GRK5: variants seen among roughly 807,000 people sequenced by gnomAD.
GRK5 encodes g protein-coupled receptor kinase GRK5.
Under a neutral mutation model 78.4 loss-of-function variants are expected in GRK5, and 40 were observed. The observed-to-expected ratio is 0.51, with a 90% confidence interval of 0.40 to 0.66. The LOEUF (loss-of-function observed/expected upper bound fraction) is 0.66, where lower values mean the gene tolerates loss of function less well. Ranked by LOEUF, GRK5 falls within the 30% of genes least tolerant of loss-of-function variation. The probability of loss-of-function intolerance (pLI) is 0.00; values close to 1 mark genes in which losing one functional copy is unlikely to be tolerated. For missense variants in GRK5, 598 were observed against 759.9 expected, an observed-to-expected ratio of 0.79 and a Z score of 2.50; for synonymous variants, 289 against 296.8, an observed-to-expected ratio of 0.97 and a Z score of 0.27.
At position 119,264,064 on chromosome 10, in the gene GRK5, G is replaced by T. The variant is rs1477300882; in HGVS notation, c.52+56095G>T. Among the ~76,000 whole-genome samples, 3 of 152,188 alleles carry T rather than the reference G, an allele frequency of 2.0e-5. No individual in the cohort carries two copies. The highest frequency in any genetic ancestry group is 7.2e-5 in the African/African-American group (3 of 41,442). ...CAGGCAGGAGGCAGATTGGAGAGAG[G>T]TTCTCAGCATGACTTTTCTCAAATG... is the stretch of plus-strand genomic sequence containing the variant. On this transcript the variant is annotated intron_variant, in intron 1 of 15. Transcript: ENST00000392870. The surrounding 1 kb of genome is among the most constrained non-coding windows in gnomAD (Gnocchi z 4.1).
intron 1 of GRK5, among the ~76,000 whole-genome samples, chr10:119,279,558 T>A (rs1454857398): frequency 6.6e-6 from 1 of 152,154 alleles, no homozygotes; most frequent in Non-Finnish European, 1.5e-5. Context: ...TTGACTCCAG[T>A]GACAGCAGCA....
chr10:119,259,351 A>G (rs1309620917), intron 1 of GRK5, among the ~76,000 whole-genome samples: 1 of 152,084 alleles, frequency 6.6e-6, no homozygotes, highest in Non-Finnish European at 1.5e-5. Context: ...GGCGTGAGCC[A>G]CTGCGCCCGG....
rs1849586929 is a variant in GRK5, at chr10:119,271,811, G to A, written c.53-54705G>A. ...GCACTTTGATTAGCTGTGTGACGTT[G>A]GGGAAGTTGCTTGCCTAATATGTGT... On this transcript the variant is annotated intron_variant, in intron 1 of 15. Transcript: ENST00000392870. This position sits in a 1 kb window ranked among gnomAD's most constrained non-coding sequence, Gnocchi z 4.1. Among the ~76,000 whole-genome samples the A allele has an allele frequency of 6.6e-6, 1 of 152,208 alleles. No homozygotes were observed. The highest frequency in any genetic ancestry group is 2.4e-5 in the African/African-American group (1 of 41,448).
intron 1 of GRK5, among the ~76,000 whole-genome samples, chr10:119,305,805 G>A (rs1004908066): frequency 6.6e-6 from 1 of 151,626 alleles, no homozygotes; most frequent in Non-Finnish European, 1.5e-5. Flanking sequence ...TGGGTATGCA[G>A]GTTTAAAGAA....
chr10:119,400,908 A>T (rs1852138986), intron 4 of GRK5, among the ~76,000 whole-genome samples: 2 of 152,264 alleles, frequency 1.3e-5, no homozygotes, highest in East Asian at 3.9e-4. Context: ...CTCTGGGTGT[A>T]TGGGGGTGTC....
chr10:119,226,672 G>T (rs1848746895), intron 1 of GRK5, among the ~76,000 whole-genome samples: 1 of 151,044 alleles, frequency 6.6e-6, no homozygotes, highest in South Asian at 2.1e-4. Flanking sequence ...TGCCACCTGA[G>T]TAGCTAGGAT....
intron 1 of GRK5, among the ~76,000 whole-genome samples, chr10:119,303,228 C>A (rs1294407825): frequency 6.6e-6 from 1 of 152,204 alleles, no homozygotes; most frequent in Non-Finnish European, 1.5e-5. Context: ...TATCTGTAAA[C>A]AGACGATCTA....
intron 1 of GRK5, among the ~76,000 whole-genome samples, chr10:119,239,479 G>A (rs1359923793): frequency 1.3e-5 from 2 of 152,154 alleles, no homozygotes; most frequent in East Asian, 1.9e-4. Flanking sequence ...CAGGTGATCC[G>A]TCTGCCTCAG....
chr10:119,320,750 A>G (rs1850570513), intron 1 of GRK5, among the ~76,000 whole-genome samples: 1 of 152,220 alleles, frequency 6.6e-6, no homozygotes. Context: ...CGAGGCCCTG[A>G]ATGGGACCAA....
chr10:119,280,934 C>A (rs1312938030), intron 1 of GRK5, among the ~76,000 whole-genome samples: 1 of 152,096 alleles, frequency 6.6e-6, no homozygotes. Flanking sequence ...CGTGCGCCAC[C>A]ACGCCCAGCT....
At chr10:119,215,612 C>G (rs748877852) in intron 1 of GRK5, among the ~76,000 whole-genome samples, 9 of 146,134 alleles carry the variant, frequency 6.2e-5, no homozygotes, top group Non-Finnish European at 1.2e-4. Context: ...AAATTCAGGT[C>G]AGGGACAATC....
chr10:119,226,819 C>T (rs2133718755), intron 1 of GRK5, among the ~76,000 whole-genome samples: 1 of 151,962 alleles, frequency 6.6e-6, no homozygotes, highest in Non-Finnish European at 1.5e-5. Flanking sequence ...GCCTCAGCCT[C>T]CCAAAGTGCT....
chr10:119,305,954 T>G (rs2133729337), intron 1 of GRK5, among the ~76,000 whole-genome samples: 1 of 152,296 alleles, frequency 6.6e-6, no homozygotes, highest in East Asian at 1.9e-4. Context: ...GGTGACGGCC[T>G]GACCACTGTA....
chr10:119,391,859 G>A (rs897527228), intron 3 of GRK5, among the ~76,000 whole-genome samples: 1 of 152,190 alleles, frequency 6.6e-6, no homozygotes, highest in African/African-American at 2.4e-5. Context: ...TGGAAAAGCT[G>A]ACCACATCAA....
chr10:119,293,519 C>T (rs1362711171), intron 1 of GRK5, among the ~76,000 whole-genome samples: 1 of 152,228 alleles, frequency 6.6e-6, no homozygotes, highest in Non-Finnish European at 1.5e-5. Context: ...CAGTGCACAG[C>T]CATGGGTCTG....
At chr10:119,235,994 C>A (rs901372280) in intron 1 of GRK5, among the ~76,000 whole-genome samples, 4 of 152,180 alleles carry the variant, frequency 2.6e-5, no homozygotes, top group Admixed American at 2.6e-4. Context: ...TACCCATTCC[C>A]ATGCCTGGCT....
intron 3 of GRK5, among the ~76,000 whole-genome samples, chr10:119,387,594 G>T (rs1220754320): frequency 6.6e-6 from 1 of 152,216 alleles, no homozygotes; most frequent in African/African-American, 2.4e-5. Flanking sequence ...CTGGTCAGGG[G>T]ATTGAAGAGG....
At chr10:119,303,501 G>A (rs946711810) in intron 1 of GRK5, among the ~76,000 whole-genome samples, 5 of 152,144 alleles carry the variant, frequency 3.3e-5, no homozygotes, top group African/African-American at 4.8e-5. Flanking sequence ...TCCATGGGCC[G>A]GGAGGAGCTC....
In GRK5 at chr10:119,406,437, A is replaced by G. The variant is rs960182796; in HGVS notation, c.339+9665A>G. ...CAATTCATGATCTCCAGGGCAACCA[A>G]GGGTGTGAAATATGGGAAGCTTGGG... On this transcript the variant is annotated intron_variant, in intron 4 of 15. Transcript: ENST00000392870. 9 of 984,458 alleles carry G rather than the reference A, an allele frequency of 9.1e-6. No individual in the cohort carries two copies. In the African/African-American group the frequency reaches 1.6e-4, roughly 17 times the overall value. 61.0% of individuals were successfully genotyped at this position (984,458 alleles called of 1,614,324 possible). A position where few individuals can be genotyped will look rare whatever the true frequency, so the allele number is the denominator to read the frequency against.
Sources: gnomAD v4.1 joint callset for allele counts (sites outside exome capture counted in the v4.1 genomes callset) on GRCh38, gnomAD v4.1.1 for gene constraint, Gnocchi (gnomAD v3.1) non-coding constraint, MANE v1.5 for transcripts, NCBI Gene and HGNC (gene_info 2026-07-23, HGNC 2026-07-21) for gene names.